DISC1: variants seen among roughly 807,000 people sequenced by gnomAD.
The protein encoded by DISC1 is DISC1 scaffold protein, also known as disrupted in schizophrenia 1 protein.
In DISC1, 57 loss-of-function variants were observed where a neutral mutation model predicts 84.5. That is an observed-to-expected ratio of 0.67 (90% CI 0.55 to 0.84). The LOEUF is 0.84. Among genes scored for constraint, DISC1 ranks in the 40% least tolerant of loss-of-function variants. The pLI, the probability that DISC1 is intolerant of heterozygous loss-of-function variation, is 0.00. For synonymous variants in DISC1, 411 were observed against 415.2 expected, an observed-to-expected ratio of 0.99 and a Z score of 0.12; for missense variants, 1,000 against 1,057.8, an observed-to-expected ratio of 0.95 and a Z score of 0.76.
intron 9 of DISC1, among the ~76,000 whole-genome samples, chr1:231,829,273 T>A (rs1271215932): frequency 6.6e-6 from 1 of 152,244 alleles, no homozygotes; most frequent in East Asian, 1.9e-4. Flanking sequence ...CATTATTTTT[T>A]AAAAGATTAT....
At chr1:231,722,880 A>G in intron 3 of DISC1, 1 of 1,374,960 alleles carries the variant, frequency 7.3e-7, no homozygotes, top group Non-Finnish European at 9.4e-7. Context: ...GCATGAAAAA[A>G]CCGCTATTGT....
At chr1:232,019,558 G>A (rs938503988) in intron 11 of DISC1, among the ~76,000 whole-genome samples, 1 of 152,108 alleles carries the variant, frequency 6.6e-6, no homozygotes, top group Non-Finnish European at 1.5e-5. Flanking sequence ...TATCAGTCTT[G>A]CAGGCTTTCT....
intron 9 of DISC1, among the ~76,000 whole-genome samples, chr1:231,863,652 A>C (rs2084843459): frequency 6.6e-6 from 1 of 152,152 alleles, no homozygotes; most frequent in African/African-American, 2.4e-5. Context: ...TTCTCATAAA[A>C]CTGTCATGGG....
intron 9 of DISC1, among the ~76,000 whole-genome samples, chr1:231,919,326 G>C (rs983296640): frequency 3.3e-5 from 5 of 152,334 alleles, no homozygotes; most frequent in Admixed American, 3.3e-4. Context: ...GTTATCAGCT[G>C]TAATAGTCAA....
intron 9 of DISC1, among the ~76,000 whole-genome samples, chr1:231,836,348 G>A (rs1222992066): frequency 6.6e-6 from 1 of 152,136 alleles, no homozygotes; most frequent in Non-Finnish European, 1.5e-5. Context: ...TAAGGAGGGG[G>A]TTCAAAGAAA....
At chr1:231,964,784 C>T (rs968675554) in intron 10 of DISC1, among the ~76,000 whole-genome samples, 1 of 152,220 alleles carries the variant, frequency 6.6e-6, no homozygotes, top group Non-Finnish European at 1.5e-5. Flanking sequence ...AGTGGTGCAT[C>T]TTAGTGACTG....
intron 9 of DISC1, among the ~76,000 whole-genome samples, chr1:231,929,157 T>C (rs963007023): frequency 8.5e-5 from 13 of 152,154 alleles, no homozygotes; most frequent in African/African-American, 3.1e-4. Context: ...GACGGTGGGA[T>C]GTTAAAATCT....
chr1:231,821,714 C>CTTTTTTTTTTTTTTTTTGTTTTT (rs200487656), intron 9 of DISC1, among the ~76,000 whole-genome samples: 1 of 137,258 alleles, frequency 7.3e-6, no homozygotes. Flanking sequence ...GCTACATCTG[C>CTTTTTTTTTTTTTTTTTGTTTTT]TTTTTTTTTT....
intron 9 of DISC1, among the ~76,000 whole-genome samples, chr1:231,923,243 C>T (rs544573100): frequency 1.6e-4 from 24 of 150,938 alleles, no homozygotes; most frequent in Admixed American, 4.6e-4. Context: ...GTCAAGATCA[C>T]GCCACTGCAC....
At chr1:231,902,327 A>C (rs1282818490) in intron 9 of DISC1, among the ~76,000 whole-genome samples, 1 of 152,150 alleles carries the variant, frequency 6.6e-6, no homozygotes, top group Non-Finnish European at 1.5e-5. Context: ...TTGGATATAC[A>C]ATTATTATTA....
Position 231,999,957 on chromosome 1 carries a change from G to A in DISC1, c.2043-8828G>A, listed in dbSNP as rs182798633. ...GGAACCACATATAGAAAAGTAGGAC[G>A]GGACCTGCATGATAAAGCTAAACAG... is the stretch of plus-strand genomic sequence containing the variant. On this transcript the variant is annotated intron_variant, in intron 10 of 12. Coordinates refer to ENST00000439617, the MANE Select transcript of DISC1 (RefSeq NM_018662.3). Among the ~76,000 whole-genome samples the A allele has an allele frequency of 1.8e-3, 280 of 152,232 alleles. 2 individuals are homozygous for A. Among genetic ancestry groups the A allele is most frequent in the Non-Finnish European group, 3.2e-3 (219 of 68,018 alleles).
At chr1:232,001,113 C>T (rs1239377199) in intron 10 of DISC1, among the ~76,000 whole-genome samples, 4 of 137,710 alleles carry the variant, frequency 2.9e-5, no homozygotes, top group African/African-American at 8.3e-5. Flanking sequence ...TAGAGTCTCA[C>T]TCTCACCCAG....
chr1:231,942,117 C>T (rs1389769638), intron 9 of DISC1, among the ~76,000 whole-genome samples: 1 of 152,126 alleles, frequency 6.6e-6, no homozygotes, highest in Non-Finnish European at 1.5e-5. Flanking sequence ...TGACCATGCC[C>T]CACCTGAAGG....
At chr1:231,722,445 A>G (rs1446133109) in intron 3 of DISC1, 1 of 1,587,660 alleles carries the variant, frequency 6.3e-7, no homozygotes, top group Non-Finnish European at 8.6e-7. Context: ...TGTGTCCAGC[A>G]TAAACATCAC....
chr1:231,696,592 A>T (rs61680727), intron 2 of DISC1, among the ~76,000 whole-genome samples: 13 of 152,358 alleles, frequency 8.5e-5, no homozygotes, highest in African/African-American at 3.1e-4. Flanking sequence ...GTACTGCATA[A>T]TGACATTTTG....
intron 9 of DISC1, among the ~76,000 whole-genome samples, chr1:231,900,071 A>C (rs2088025068): frequency 6.6e-6 from 1 of 152,246 alleles, no homozygotes; most frequent in African/African-American, 2.4e-5. Context: ...CTTAAGATGC[A>C]GTCTTCTGAA....
At position 232,009,026 on chromosome 1, in the gene DISC1, T is replaced by G. The variant is rs759882962; in HGVS notation, c.2284T>G (p.Cys762Gly). The G allele has an allele frequency of 6.2e-7, 1 of 1,613,774 alleles. No homozygotes were observed. Among genetic ancestry groups the G allele is most frequent in the African/African-American group, 1.3e-5 (1 of 74,908 alleles). The change falls in exon 11 of 13, where the codon TGT (cysteine) becomes GGT (glycine). Residue 762 changes from cysteine (C) to glycine (G), a missense_variant. Cys to Gly is a radical substitution (Grantham distance 159, BLOSUM62 -3). Coordinates refer to ENST00000439617, the MANE Select transcript of DISC1 (RefSeq NM_018662.3). This position sits in a 1 kb window ranked among gnomAD's most constrained non-coding sequence, Gnocchi z 4.6. ...GACTCACCTCATCCCCTCTCTGCAC[T>G]GTGCTGGAGGTGAACAGAAAGAGGT... is the stretch of plus-strand genomic sequence containing the variant. The part of the protein sequence containing the change: ...WKTHLIPSLH[C>G]AGGEQKEESY...
chr1:231,963,108 C>T (rs1660614465), intron 10 of DISC1, among the ~76,000 whole-genome samples: 2 of 152,140 alleles, frequency 1.3e-5, no homozygotes. Flanking sequence ...GCCCGATGTC[C>T]TAAGCATAAA....
At chr1:231,681,102 G>C (rs1454042187) in intron 1 of DISC1, among the ~76,000 whole-genome samples, 1 of 152,200 alleles carries the variant, frequency 6.6e-6, no homozygotes, top group Non-Finnish European at 1.5e-5. Context: ...GCACCCTTGA[G>C]GGGGGCTCAG....
Sources: gnomAD v4.1 joint callset for allele counts (sites outside exome capture counted in the v4.1 genomes callset) on GRCh38, gnomAD v4.1.1 for gene constraint, Gnocchi (gnomAD v3.1) non-coding constraint, MANE v1.5 for transcripts, NCBI Gene and HGNC (gene_info 2026-07-23, HGNC 2026-07-21) for gene names.